Variants in PLEKHG1 observed in about 807,000 individuals in gnomAD.
PLEKHG1 encodes the protein pleckstrin homology domain-containing family G member 1.
Under a neutral mutation model 100.8 loss-of-function variants are expected in PLEKHG1, and 44 were observed. The observed-to-expected ratio is 0.44, with a 90% CI of 0.34 to 0.56. PLEKHG1 has a LOEUF of 0.56. Ranked by LOEUF, PLEKHG1 falls within the 20% of genes least tolerant of loss-of-function variation. PLEKHG1 has a pLI of 0.01. For missense variants in PLEKHG1, 1,545 were observed against 1,720.9 expected (o/e 0.90, Z 1.81); for synonymous variants, 640 against 662.5 (o/e 0.97, Z 0.52).
At chr6:150,693,981 A>T (rs944046366) in intron 3 of PLEKHG1, among the ~76,000 whole-genome samples, 1 of 152,206 alleles carries the variant, frequency 6.6e-6, no homozygotes, top group Admixed American at 6.5e-5. Flanking sequence ...CTTTGTGTAT[A>T]GTTATTGCTT....
intron 3 of PLEKHG1, among the ~76,000 whole-genome samples, chr6:150,695,921 G>A (rs151009917): frequency 4.6e-5 from 7 of 152,230 alleles, no homozygotes; most frequent in Non-Finnish European, 7.3e-5. Context: ...AGTCATACTC[G>A]TCAGGAAGAA....
intron 3 of PLEKHG1, among the ~76,000 whole-genome samples, chr6:150,652,720 CAAAAAAA>C (rs199612130): frequency 4.9e-5 from 4 of 82,020 alleles, no homozygotes; most frequent in East Asian, 6.5e-4. Context: ...AACTGTGTCT[CAAAAAAA>C]AAAAAAAAGA....
chr6:150,724,349 C>G (rs1446369644), intron 1 of PLEKHG1, among the ~76,000 whole-genome samples: 2 of 152,154 alleles, frequency 1.3e-5, no homozygotes, highest in Non-Finnish European at 1.5e-5. Flanking sequence ...AACTCCATCA[C>G]TAAAGAAAAG....
chr6:150,721,149 TC>T (rs1301121454), exon 1 of PLEKHG1: 1 of 985,220 alleles, frequency 1.0e-6, no homozygotes, highest in Admixed American at 6.2e-5. Context: ...CTGACTGAGG[TC>T]ACTGCATCAG....
intron 1 of PLEKHG1, among the ~76,000 whole-genome samples, chr6:150,724,558 C>CTTTTTTTTTTTTTTTTTTTTTTTTT (rs34140367): frequency 2.0e-5 from 2 of 100,468 alleles, no homozygotes; most frequent in African/African-American, 7.7e-5. Flanking sequence ...TTTTCTTTTT[C>CTTTTTTTTTTTTTTTTTTTTTTTTT]TTTTTTTTTT....
intron 13 of PLEKHG1, among the ~76,000 whole-genome samples, chr6:150,822,370 G>C (rs1219378866): frequency 6.6e-6 from 1 of 152,116 alleles, no homozygotes; most frequent in Non-Finnish European, 1.5e-5. Flanking sequence ...CAACGCTTCA[G>C]GGGCAAAATT....
At chr6:150,794,392 A>G (rs954355658) in intron 4 of PLEKHG1, among the ~76,000 whole-genome samples, 3 of 152,086 alleles carry the variant, frequency 2.0e-5, no homozygotes, top group African/African-American at 4.8e-5. Flanking sequence ...TAGTCTGGGC[A>G]TGGTGGCTCA....
At chr6:150,670,559 A>G (rs548385389) in intron 3 of PLEKHG1, among the ~76,000 whole-genome samples, 1 of 152,338 alleles carries the variant, frequency 6.6e-6, no homozygotes, top group South Asian at 2.1e-4. Flanking sequence ...TGTCAGTCCT[A>G]GAACTAAGGG....
At chr6:150,639,129 T>G (rs553388873) in intron 2 of PLEKHG1, among the ~76,000 whole-genome samples, 1 of 152,278 alleles carries the variant, frequency 6.6e-6, no homozygotes, top group East Asian at 1.9e-4. Flanking sequence ...GCCACAAAAT[T>G]TTCACTGTTG....
chr6:150,769,477 G>A (rs930204400), intron 3 of PLEKHG1, among the ~76,000 whole-genome samples: 1 of 150,388 alleles, frequency 6.6e-6, no homozygotes. Flanking sequence ...AGCTACCCAG[G>A]AGGCTGAGAC....
At chr6:150,654,289 T>C (rs933828069) in intron 3 of PLEKHG1, among the ~76,000 whole-genome samples, 4 of 152,234 alleles carry the variant, frequency 2.6e-5, no homozygotes, top group African/African-American at 9.6e-5. Flanking sequence ...AGGATAGTAG[T>C]GTGCCTTTTA....
chr6:150,795,898 C>G (rs1409503560), exon 5 of PLEKHG1: 1 of 1,595,482 alleles, frequency 6.3e-7, no homozygotes. Context: ...CACTAACTAT[C>G]CAAGGTATGG....
At chr6:150,752,293 A>G (rs1783566071) in intron 2 of PLEKHG1, among the ~76,000 whole-genome samples, 1 of 152,242 alleles carries the variant, frequency 6.6e-6, no homozygotes, top group Non-Finnish European at 1.5e-5. Flanking sequence ...GAAGACATAC[A>G]TAACTTAAAA....
chr6:150,724,803 C>G (rs1760375429), intron 1 of PLEKHG1, among the ~76,000 whole-genome samples: 1 of 152,162 alleles, frequency 6.6e-6, no homozygotes, highest in South Asian at 2.1e-4. Flanking sequence ...TCAGGTGATT[C>G]ACCTGCCTCT....
chr6:150,794,329 T>C (rs1786185009), intron 4 of PLEKHG1, among the ~76,000 whole-genome samples: 1 of 152,162 alleles, frequency 6.6e-6, no homozygotes, highest in Non-Finnish European at 1.5e-5. Context: ...AACTTCATGA[T>C]GTTATTGAAT....
intron 15 of PLEKHG1, among the ~76,000 whole-genome samples, chr6:150,838,394 G>C (rs1044247307): frequency 6.6e-6 from 1 of 151,422 alleles, no homozygotes; most frequent in Non-Finnish European, 1.5e-5. Context: ...AAACATTAAG[G>C]GTTTTTTTTA....
chr6:150,774,901 A>T (rs1484702402), intron 3 of PLEKHG1, among the ~76,000 whole-genome samples: 1 of 151,976 alleles, frequency 6.6e-6, no homozygotes, highest in African/African-American at 2.4e-5. Flanking sequence ...TTTTTCAGAC[A>T]TGTTCATAAA....
chr6:150,648,666 C>G (rs1778595294), intron 2 of PLEKHG1, among the ~76,000 whole-genome samples: 1 of 152,124 alleles, frequency 6.6e-6, no homozygotes, highest in African/African-American at 2.4e-5. Context: ...TGTACCTTAT[C>G]AGATTTGTGC....
At chr6:150,656,278 TA>T (rs895694984) in intron 3 of PLEKHG1, among the ~76,000 whole-genome samples, 26 of 149,734 alleles carry the variant, frequency 1.7e-4, no homozygotes, top group African/African-American at 2.2e-4. Flanking sequence ...GATATGAGTT[TA>T]AAAAAAAAAT....
Sources: gnomAD v4.1 joint callset for allele counts (sites outside exome capture counted in the v4.1 genomes callset) on GRCh38, gnomAD v4.1.1 for gene constraint, MANE v1.5 for transcripts, NCBI Gene and HGNC (gene_info 2026-07-23, HGNC 2026-07-21) for gene names.